USP28: variants seen among roughly 807,000 people sequenced by gnomAD.
USP28 encodes ubiquitin carboxyl-terminal hydrolase 28.
A neutral mutation model predicts 145.0 loss-of-function variants in USP28; 113 were observed. The observed-to-expected ratio is 0.78, with a 90% CI of 0.67 to 0.91. The LOEUF is 0.91. Ranked by LOEUF, USP28 falls within the 40% of genes least tolerant of loss-of-function variation. The pLI is 0.00. For missense variants in USP28, 1,201 were observed against 1,289.6 expected (o/e 0.93, Z 1.05); for synonymous variants, 447 against 450.9 (o/e 0.99, Z 0.11).
chr11:113,839,625 A>G (rs1385417966), intron 5 of USP28, among the ~76,000 whole-genome samples: 1 of 152,230 alleles, frequency 6.6e-6, no homozygotes, highest in Admixed American at 6.5e-5. Flanking sequence ...GCAGCGGCTC[A>G]CACCTGAAAT....
At position 113,808,449 on chromosome 11, in the gene USP28, T is replaced by C. The variant is rs762071478; in HGVS notation, c.2165-12A>G. 3.7e-6 allele frequency: 6 copies of C among 1,611,996 alleles called. No homozygotes were observed. The highest frequency in any genetic ancestry group is 1.1e-5 in the South Asian group (1 of 91,064). ...GGCTACTGAAGGCTCTGATAAAGAA[T>C]TGAACAAAGGTCTTAGCATCTAATG... is the stretch of plus-strand genomic sequence containing the variant. On this transcript the variant is annotated splice_polypyrimidine_tract_variant and intron_variant, in intron 17 of 24. Transcript: ENST00000003302.
intron 1 of USP28, among the ~76,000 whole-genome samples, chr11:113,873,921 T>G (rs1390732233): frequency 6.6e-6 from 1 of 150,962 alleles, no homozygotes; most frequent in South Asian, 2.1e-4. Flanking sequence ...GGCGGGCGGA[T>G]CATGAGGTCA....
Position 113,854,334 on chromosome 11 carries a change from C to T in USP28, c.59G>A (p.Ser20Asn), listed in dbSNP as rs777869994. ...CAGTTGATTTAACAGCATTTGGCAG[C>T]TCTATATTTGCAAAACAAAAAAACC... Residue 20 changes from serine to asparagine, a missense_variant and splice_region_variant, in exon 2 of 25, where the codon AGC (serine) becomes AAC (asparagine). Transcript: ENST00000003302. 2.5e-6 allele frequency: 4 copies of T among 1,613,654 alleles called. No individual in the cohort carries two copies. In the Admixed American group the frequency reaches 5.0e-5, roughly 20 times the overall value.
chr11:113,861,971 C>T (rs1222793197), intron 1 of USP28, among the ~76,000 whole-genome samples: 2 of 152,188 alleles, frequency 1.3e-5, no homozygotes, highest in Non-Finnish European at 2.9e-5. Flanking sequence ...AATTTACATG[C>T]TTACAGTTTT....
chr11:113,801,492 C>A, exon 24 of USP28: 1 of 1,578,800 alleles, frequency 6.3e-7, no homozygotes, highest in South Asian at 1.1e-5. Flanking sequence ...CCTGCAATAT[C>A]TTGCCCAAGG....
intron 11 of USP28, among the ~76,000 whole-genome samples, chr11:113,826,312 A>G (rs1276572904): frequency 6.7e-6 from 1 of 148,206 alleles, no homozygotes; most frequent in Non-Finnish European, 1.5e-5. Flanking sequence ...GAAAGAAAAG[A>G]AAAGAAAATC....
At chr11:113,819,161 G>A (rs1942219042) in intron 12 of USP28, among the ~76,000 whole-genome samples, 2 of 149,986 alleles carry the variant, frequency 1.3e-5, no homozygotes. Context: ...CACCCAGGCT[G>A]GAGTGCAGCG....
chr11:113,811,855 A>G (rs551854220), intron 16 of USP28, among the ~76,000 whole-genome samples: 1 of 152,318 alleles, frequency 6.6e-6, no homozygotes, highest in Non-Finnish European at 1.5e-5. Flanking sequence ...TATATTCCAC[A>G]CAATGAATTA....
At position 113,815,377 on chromosome 11, in the gene USP28, C is replaced by G. The variant is rs1443304148; in HGVS notation, c.1469G>C (p.Ser490Thr). 97 of 1,613,622 alleles carry G rather than the reference C, an allele frequency of 6.0e-5. No individual in the cohort carries two copies. Among genetic ancestry groups the G allele is most frequent in the Non-Finnish European group, 7.3e-5 (86 of 1,179,900 alleles). ...AACATCCTGAGAAGAGCTTTCTGTA[C>G]TTGTACTGAGGAAGACAAAAATCAT... The change falls in exon 14 of 25, where the codon AGT (serine) becomes ACT (threonine). Residue 490 changes from serine to threonine, a missense_variant. Coordinates refer to ENST00000003302, the Ensembl canonical transcript of USP28.
chr11:113,803,451 A>G (rs1163110004), intron 22 of USP28, among the ~76,000 whole-genome samples, 170 bp from the exon 24 acceptor site: 1 of 152,128 alleles, frequency 6.6e-6, no homozygotes, highest in East Asian at 1.9e-4. Context: ...TAGCCATCCA[A>G]AGCAAATATG....
chr11:113,825,640 GAAT>G (rs1943201100), intron 11 of USP28, among the ~76,000 whole-genome samples: 1 of 152,088 alleles, frequency 6.6e-6, no homozygotes, highest in Non-Finnish European at 1.5e-5. Flanking sequence ...TATTACAATA[GAAT>G]ATTACTCAGC....
chr11:113,827,382 TGA>T, intron 10 of USP28, 22 bp from the exon 11 acceptor site: 2 of 1,553,852 alleles, frequency 1.3e-6, no homozygotes, highest in Non-Finnish European at 1.7e-6. Flanking sequence ...AGTAGAAATG[TGA>T]GAGAAAGAAA....
At chr11:113,832,545 C>T (rs894229462) in intron 7 of USP28, among the ~76,000 whole-genome samples, 2 of 152,124 alleles carry the variant, frequency 1.3e-5, no homozygotes, top group African/African-American at 4.8e-5. Context: ...CTACTACTTC[C>T]AGCCACATCT....
intron 7 of USP28, 63 bp downstream of exon 7, chr11:113,833,357 G>A (rs1475176779): frequency 6.4e-7 from 1 of 1,569,676 alleles, no homozygotes; most frequent in African/African-American, 1.4e-5. Flanking sequence ...TTGAAATGAA[G>A]CAGTACCGCA....
intron 18 of USP28, among the ~76,000 whole-genome samples, chr11:113,807,106 T>C (rs1940119198): frequency 6.6e-6 from 1 of 151,746 alleles, no homozygotes; most frequent in Non-Finnish European, 1.5e-5. Flanking sequence ...AGAGTCTCGC[T>C]CTGTCGCCCA....
intron 1 of USP28, chr11:113,874,894 G>A: frequency 1.0e-6 from 1 of 1,003,104 alleles, no homozygotes; most frequent in Non-Finnish European, 1.2e-6. Context: ...AGCGATGAAG[G>A]CAATAATTGG....
At chr11:113,859,882 C>T in intron 1 of USP28, among the ~76,000 whole-genome samples, 1 of 152,038 alleles carries the variant, frequency 6.6e-6, no homozygotes, top group East Asian at 1.9e-4. Context: ...CTTTTCTTGC[C>T]CAGAGGCAGT....
intron 1 of USP28, among the ~76,000 whole-genome samples, chr11:113,874,244 G>C (rs909744084): frequency 6.6e-6 from 1 of 151,636 alleles, no homozygotes; most frequent in Non-Finnish European, 1.5e-5. Flanking sequence ...CTTAAGTCGG[G>C]AGTTTGAGAC....
At chr11:113,869,889 C>T (rs1948649171) in intron 1 of USP28, among the ~76,000 whole-genome samples, 5 of 151,976 alleles carry the variant, frequency 3.3e-5, no homozygotes, top group Admixed American at 3.3e-4. Flanking sequence ...AGATTTGGAG[C>T]CAGGTGTTCA....
Sources: allele counts gnomAD v4.1 joint callset (sites outside exome capture counted in the v4.1 genomes callset), GRCh38; gene constraint gnomAD v4.1.1; transcripts MANE v1.5; gene names NCBI Gene and HGNC (gene_info 2026-07-23, HGNC 2026-07-21).